COL2A1: variants seen among roughly 807,000 people sequenced by gnomAD.
The protein encoded by COL2A1 is collagen alpha-1(II) chain.
A neutral mutation model predicts 204.5 loss-of-function variants in COL2A1; 28 were observed. The observed-to-expected ratio is 0.14, with a 90% CI of 0.10 to 0.19. The LOEUF (loss-of-function observed/expected upper bound fraction) is 0.19. COL2A1 is among the 10% of genes least tolerant of loss of function. COL2A1 has a pLI of 1.00. For missense variants in COL2A1, 1,388 were observed against 2,027.5 expected (o/e 0.68, Z 6.06); for synonymous variants, 708 against 718.7 (o/e 0.99, Z 0.24).
In COL2A1 at chr12:47,973,278, G is replaced by A. The variant is rs1286383610; in HGVS notation, c.*129C>T. ...GAGAGGGGAGAAAAGTCCGAACTGTGAGAGGGTGGGATGAATGGACATCAG... is the reference window on the plus strand; with the variant it reads ...GAGAGGGGAGAAAAGTCCGAACTGTAAGAGGGTGGGATGAATGGACATCAG... On this transcript the variant is annotated 3_prime_UTR_variant, in exon 54 of 54. Coordinates refer to ENST00000380518, the MANE Select transcript of COL2A1 (RefSeq NM_001844.5). 31 of 1,236,480 alleles carry A rather than the reference G, an allele frequency of 2.5e-5. No individual in the cohort carries two copies. Among genetic ancestry groups the A allele is most frequent in the Non-Finnish European group, 3.7e-5 (31 of 836,078 alleles). The allele number at this position is 1,236,480 out of a possible 1,614,324, so 76.6% of individuals were successfully genotyped here. A position where few individuals can be genotyped will look rare whatever the true frequency, so the allele number is the denominator to read the frequency against.
chr12:47,986,550 G>GA (rs539368359), intron 22 of COL2A1, 107 bp from the exon 23 acceptor site: 5 of 780,052 alleles, frequency 6.4e-6, no homozygotes, highest in Non-Finnish European at 1.1e-5. Context: ...TTCAGGGCTG[G>GA]GGGGGGGCTT....
At chr12:48,002,994 C>T (rs1318937059) in intron 1 of COL2A1, 2 of 152,276 alleles carry the variant, frequency 1.3e-5, no homozygotes, top group Non-Finnish European at 2.9e-5. Context: ...AGGCAGAGAA[C>T]TTTTATTCCC....
At chr12:47,981,632 T>A in intron 36 of COL2A1, 144 bp downstream of exon 36, 1 of 1,081,656 alleles carries the variant, frequency 9.2e-7, no homozygotes. Context: ...GCTTCACTTC[T>A]GAGAGGGCCC....
intron 2 of COL2A1, 101 bp from the exon 3 acceptor site, chr12:47,998,532 G>A (rs1307255321): frequency 7.8e-7 from 1 of 1,286,562 alleles, no homozygotes; most frequent in Non-Finnish European, 1.1e-6. Flanking sequence ...ACAAGTAAAA[G>A]GACACAATCA....
intron 35 of COL2A1, 97 bp from the exon 36 acceptor site, chr12:47,981,926 C>T (rs952511222): frequency 1.2e-5 from 16 of 1,356,898 alleles, no homozygotes; most frequent in Non-Finnish European, 1.7e-5. Context: ...CTCCCACCGC[C>T]TCCAGAGCTC....
chr12:48,001,319 T>G (rs1635529), intron 1 of COL2A1, among the ~76,000 whole-genome samples: 117,965 of 152,252 alleles, frequency 0.77, 46,204 homozygotes, highest in Middle Eastern at 0.85. Context: ...AAAGATAAAC[T>G]TTCCTTTTTA....
Position 47,985,574 on chromosome 12 carries a change from C to A in COL2A1, c.1694G>T (p.Arg565Leu), listed in dbSNP as rs372182200. 1 of 1,614,022 alleles carries A rather than the reference C, an allele frequency of 6.2e-7. No individual in the cohort carries two copies. Residue 565 changes from arginine to leucine, a missense_variant, in exon 26 of 54, where the codon CGC becomes CTC. Around this residue, in one of 3 missense-constraint regions of COL2A1, gnomAD observed 884 missense variants for 1,415.8 expected, o/e 0.62. Coordinates refer to ENST00000380518, the MANE Select transcript of COL2A1 (RefSeq NM_001844.5). ...GLPGARGLTG[R>L]PGDAGPQGKV... Reference sequence around the variant, plus strand: ...GCCTTGAGGACCAGCATCACCAGGGCGGCCAGTGAGACCCTTTGTTCAGGA... The same window carrying A: ...GCCTTGAGGACCAGCATCACCAGGGAGGCCAGTGAGACCCTTTGTTCAGGA...
At chr12:47,991,911 C>T (rs940549985) in intron 16 of COL2A1, among the ~76,000 whole-genome samples, 2 of 151,988 alleles carry the variant, frequency 1.3e-5, no homozygotes, top group Admixed American at 6.6e-5. Flanking sequence ...AAAGGGGGGT[C>T]GAGGCTTCTG....
intron 1 of COL2A1, 192 bp downstream of exon 1, chr12:48,004,045 G>C: frequency 1.6e-6 from 1 of 609,284 alleles, no homozygotes; most frequent in African/African-American, 1.8e-5. Flanking sequence ...GAGGACCCTG[G>C]GACAGAGTCC....
At chr12:47,973,713 G>T (rs1938549587) in intron 53 of COL2A1, among the ~76,000 whole-genome samples, 160 bp from the exon 54 acceptor site, 1 of 151,978 alleles carries the variant, frequency 6.6e-6, no homozygotes, top group African/African-American at 2.4e-5. Flanking sequence ...CTTGCCAAAG[G>T]CCTCTCCACT....
intron 22 of COL2A1, 31 bp downstream of exon 22, chr12:47,986,804 A>G (rs1939442577): frequency 6.2e-7 from 1 of 1,613,722 alleles, no homozygotes; most frequent in South Asian, 1.1e-5. Flanking sequence ...ACAGCAGCAG[A>G]GAAGACAAGG....
At position 47,981,757 on chromosome 12, in the gene COL2A1, G is replaced by A. The variant is rs1164227547; in HGVS notation, c.2409+19C>T. 1 of 1,552,126 alleles carries A rather than the reference G, an allele frequency of 6.4e-7. No individual in the cohort carries two copies. The highest frequency in any genetic ancestry group is 8.7e-7 in the Non-Finnish European group (1 of 1,147,148). Reference sequence around the variant, plus strand: ...TGACAGGGAGGCAAGGTGTGGAGAGGAAAGGAGCCGGGACTCACCTTCTCG... The same window carrying A: ...TGACAGGGAGGCAAGGTGTGGAGAGAAAAGGAGCCGGGACTCACCTTCTCG... On this transcript the variant is annotated intron_variant, in intron 36 of 53. Coordinates refer to ENST00000380518, the MANE Select transcript of COL2A1 (RefSeq NM_001844.5).
At position 47,993,812 on chromosome 12, in the gene COL2A1, C is replaced by T; in HGVS notation, c.921G>A (p.Val307=). The change falls in exon 14 of 54, where the codon GTG becomes GTA. Residue 307 remains valine (V), a synonymous_variant. Coordinates refer to ENST00000380518, the MANE Select transcript of COL2A1 (RefSeq NM_001844.5). The part of the protein sequence containing the change: ...GAKGEAGAPG[V]KGESGSPGEN... ...ATTGTACTTTCTGGCCTCTCACCTT[C>T]ACACCAGGAGCACCCGCCTCTCCCT... 3.7e-6 allele frequency: 6 copies of T among 1,614,156 alleles called. No homozygotes were observed. Among genetic ancestry groups the T allele is most frequent in the Non-Finnish European group, 5.1e-6 (6 of 1,180,008 alleles).
Position 47,981,807 on chromosome 12 carries a change from G to A in COL2A1, c.2378C>T (p.Pro793Leu), listed in dbSNP as rs1349357946. 6.4e-7 allele frequency: 1 copy of A among 1,554,572 alleles called. No individual in the cohort carries two copies. Among genetic ancestry groups the A allele is most frequent in the Non-Finnish European group, 8.7e-7 (1 of 1,148,714 alleles). ...GGRGLTGPIG[P>L]PGPAGANGEK... ...GCCATTAGCACCAGCTGGGCCAGGG[G>A]GGCCAATGGGACCTGTCAGGCCCTG... Residue 793 changes from proline to leucine, a missense_variant, in exon 36 of 54, where the codon CCC becomes CTC. Physicochemically the swap from Pro to Leu is moderately conservative, Grantham distance 98. This residue lies in a region of COL2A1 where 884 missense variants were observed against 1,415.8 expected (regional missense o/e 0.62). Transcript: ENST00000380518.
In COL2A1 at chr12:47,987,973, G is replaced by C. The variant is rs10875715; in HGVS notation, c.1123-264C>G. ...TACACAGTGAGCCTCCACATGCCAC[G>C]GCACAGCTACATACTACAGCAATGG... On this transcript the variant is annotated intron_variant, in intron 18 of 53. Coordinates refer to ENST00000380518, the MANE Select transcript of COL2A1 (RefSeq NM_001844.5). This position sits in a 1 kb window ranked among gnomAD's most constrained non-coding sequence, Gnocchi z 4.1. Among the ~76,000 whole-genome samples, 34,381 of 151,970 alleles carry C rather than the reference G, an allele frequency of 0.23. 4,048 individuals carry two copies. The highest frequency in any genetic ancestry group is 0.31 in the East Asian group (1,619 of 5,170).
chr12:47,973,389 G>A lies in COL2A1; in HGVS notation c.*18C>T. 6.2e-7 allele frequency: 1 copy of A among 1,614,150 alleles called. No homozygotes were observed. The highest frequency in any genetic ancestry group is 8.5e-7 in the Non-Finnish European group (1 of 1,180,026). On this transcript the variant is annotated 3_prime_UTR_variant, in exon 54 of 54. Coordinates refer to ENST00000380518, the MANE Select transcript of COL2A1 (RefSeq NM_001844.5). ...CTTTGGGTTTGCAACGGATTGTGTT[G>A]TTTCTGGGTTCAGGTTTTTACAAGA...
chr12:47,974,548 C>T, intron 52 of COL2A1, 127 bp downstream of exon 52: 1 of 1,287,058 alleles, frequency 7.8e-7, no homozygotes, highest in Non-Finnish European at 1.1e-6. Context: ...TCCTCTTTCC[C>T]TCCTCTCAAG....
intron 12 of COL2A1, 71 bp downstream of exon 12, chr12:47,994,353 G>A: frequency 1.3e-6 from 2 of 1,504,170 alleles, no homozygotes; most frequent in Non-Finnish European, 1.8e-6. Context: ...TGAACTGGAT[G>A]CACTGTGTTT....
At chr12:47,985,219 A>G (rs1250163717) in intron 26 of COL2A1, 126 bp from the exon 27 acceptor site, 2 of 792,358 alleles carry the variant, frequency 2.5e-6, no homozygotes, top group African/African-American at 1.7e-5. Flanking sequence ...AGCATCTAGG[A>G]TTGACCACAT....
Sources: gnomAD v4.1 joint callset for allele counts (sites outside exome capture counted in the v4.1 genomes callset) on GRCh38, gnomAD v4.1.1 for gene constraint, gnomAD v4.1.1 regional missense constraint, Gnocchi (gnomAD v3.1) non-coding constraint, MANE v1.5 for transcripts, NCBI Gene and HGNC (gene_info 2026-07-23, HGNC 2026-07-21) for gene names.